The following PRKN variants were observed in gnomAD, a reference collection of about 807,000 sequenced individuals.
PRKN encodes the protein E3 ubiquitin-protein ligase parkin.
PRKN carries 56 observed loss-of-function variants against 59.5 expected under a neutral mutation model. The observed-to-expected ratio is 0.94, with a 90% confidence interval of 0.76 to 1.18. The LOEUF is 1.18. Ranked by LOEUF, PRKN falls within the 50% of genes most tolerant of loss-of-function variation. The probability of loss-of-function intolerance (pLI) is 0.00; values close to 1 mark genes in which losing one functional copy is unlikely to be tolerated. For synonymous variants in PRKN, 250 were observed against 222.1 expected (o/e 1.13, Z -1.12); for missense variants, 657 against 596.4 (o/e 1.10, Z -1.06).
intron 2 of PRKN, among the ~76,000 whole-genome samples, chr6:162,297,600 T>C (rs1781741204): frequency 1.3e-5 from 2 of 152,138 alleles, no homozygotes; most frequent in African/African-American, 2.4e-5. Flanking sequence ...TCAGAAAATA[T>C]ATTCATATAT....
intron 6 of PRKN, among the ~76,000 whole-genome samples, chr6:161,969,268 GTTTT>G (rs61461516): frequency 2.2e-5 from 3 of 133,984 alleles, no homozygotes; most frequent in African/African-American, 5.5e-5. Context: ...AGTCTTATTT[GTTTT>G]TTTTTTTTTT....
At chr6:161,660,949 C>T (rs1239717425) in intron 7 of PRKN, among the ~76,000 whole-genome samples, 3 of 152,122 alleles carry the variant, frequency 2.0e-5, no homozygotes, top group African/African-American at 2.4e-5. Context: ...GGCCGAGTCC[C>T]ACGGTGCCAT....
intron 4 of PRKN, among the ~76,000 whole-genome samples, chr6:162,122,848 G>C (rs1780972365): frequency 6.6e-6 from 1 of 152,048 alleles, no homozygotes; most frequent in Admixed American, 6.6e-5. Context: ...CACACCTGCA[G>C]AATCAACTGG....
Position 161,355,877 on chromosome 6 carries a change from A to C in PRKN, c.1285+4211T>G, listed in dbSNP as rs932083166. Among the ~76,000 whole-genome samples, 2 of 152,156 alleles carry C rather than the reference A, an allele frequency of 1.3e-5. No individual in the cohort carries two copies. Among genetic ancestry groups the C allele is most frequent in the African/African-American group, 4.8e-5 (2 of 41,436 alleles). On this transcript the variant is annotated intron_variant, in intron 11 of 11. Transcript: ENST00000366898. This position sits in a 1 kb window ranked among gnomAD's most constrained non-coding sequence, Gnocchi z 6.8. ...GATCTGGGAAGGAAGTGGTGCTATG[A>C]AATTATTATTAAACTGGTGGGTGGG...
At chr6:162,018,438 A>G (rs1471329074) in intron 5 of PRKN, among the ~76,000 whole-genome samples, 1 of 152,244 alleles carries the variant, frequency 6.6e-6, no homozygotes, top group Non-Finnish European at 1.5e-5. Context: ...AAATAAGAAA[A>G]ACTAATGATG....
chr6:161,683,183 G>T (rs879654600), intron 7 of PRKN, among the ~76,000 whole-genome samples: 1 of 152,150 alleles, frequency 6.6e-6, no homozygotes, highest in Non-Finnish European at 1.5e-5. Flanking sequence ...AGGGAAGGAA[G>T]AAGGACGGCT....
intron 1 of PRKN, among the ~76,000 whole-genome samples, chr6:162,706,165 A>G (rs1484038174): frequency 6.6e-6 from 1 of 151,794 alleles, no homozygotes; most frequent in East Asian, 1.9e-4. Flanking sequence ...ACAGCAGGAA[A>G]GCTGCCATTG....
intron 1 of PRKN, among the ~76,000 whole-genome samples, chr6:162,698,936 G>A (rs1209977010): frequency 1.3e-5 from 2 of 152,146 alleles, no homozygotes; most frequent in African/African-American, 4.8e-5. Context: ...CCCAACAATA[G>A]AGTTCACAGA....
At chr6:162,494,792 A>G (rs1445788623) in intron 1 of PRKN, among the ~76,000 whole-genome samples, 1 of 152,186 alleles carries the variant, frequency 6.6e-6, no homozygotes, top group Non-Finnish European at 1.5e-5. Context: ...TCATTTTTTC[A>G]TAGCTGTAGA....
At chr6:161,715,979 G>A (rs951816648) in intron 7 of PRKN, 24 of 569,006 alleles carry the variant, frequency 4.2e-5, no homozygotes, top group Non-Finnish European at 7.3e-5. Context: ...GAGAAGCGCT[G>A]GGGTGGGGCC....
At chr6:162,707,663 C>T (rs1778384993) in intron 1 of PRKN, among the ~76,000 whole-genome samples, 1 of 151,630 alleles carries the variant, frequency 6.6e-6, no homozygotes, top group South Asian at 2.1e-4. Context: ...CAACCTCCAA[C>T]TCCCGGGTTC....
intron 7 of PRKN, among the ~76,000 whole-genome samples, chr6:161,769,255 G>T (rs1789561425): frequency 6.6e-6 from 1 of 152,256 alleles, no homozygotes; most frequent in South Asian, 2.1e-4. Flanking sequence ...TCTAAAACTG[G>T]TGCATAGGTT....
Position 162,600,950 on chromosome 6 carries a change from A to G in PRKN, c.7+126712T>C, listed in dbSNP as rs549829298. On this transcript the variant is annotated intron_variant, in intron 1 of 11. Transcript: ENST00000366898. Reference sequence around the variant, plus strand: ...TACCCAGTATCAGACATTTCTTTATAGTAGCGTAAGAATGGATAACATAGC... The same window carrying G: ...TACCCAGTATCAGACATTTCTTTATGGTAGCGTAAGAATGGATAACATAGC... 5.9e-5 allele frequency among the ~76,000 whole-genome samples: 9 copies of G among 152,326 alleles called. No individual in the cohort carries two copies. The South Asian group carries it at 1.7e-3, about 28-fold the overall frequency.
intron 7 of PRKN, among the ~76,000 whole-genome samples, chr6:161,779,324 G>T (rs1455884704): frequency 2.6e-5 from 4 of 151,570 alleles, no homozygotes; most frequent in Non-Finnish European, 4.4e-5. Context: ...GGAGTAATAT[G>T]GGTTCCATCA....
Position 161,413,363 on chromosome 6 carries a change from A to G in PRKN, c.1084-26486T>C, listed in dbSNP as rs1787678567. 6.6e-6 allele frequency among the ~76,000 whole-genome samples: 1 copy of G among 152,168 alleles called. No individual in the cohort carries two copies. Among genetic ancestry groups the G allele is most frequent in the African/African-American group, 2.4e-5 (1 of 41,414 alleles). ...TGAGTCTCTTTCCATTAGAAGAAGA[A>G]TTCATATACACATACTGCAGCAAAG... On this transcript the variant is annotated intron_variant, in intron 9 of 11. Transcript: ENST00000366898. The surrounding 1 kb of genome is among the most constrained non-coding windows in gnomAD (Gnocchi z 4.4).
At chr6:162,634,938 C>G (rs1281144928) in intron 1 of PRKN, among the ~76,000 whole-genome samples, 2 of 152,172 alleles carry the variant, frequency 1.3e-5, no homozygotes, top group African/African-American at 2.4e-5. Context: ...CCAGTTTTCT[C>G]ACCTGTAATA....
chr6:162,587,192 A>G (rs2128213163), intron 1 of PRKN, among the ~76,000 whole-genome samples: 1 of 152,274 alleles, frequency 6.6e-6, no homozygotes, highest in Admixed American at 6.5e-5. Context: ...GCTGGAGTAC[A>G]GTGGCGCAAT....
At position 161,371,989 on chromosome 6, in the gene PRKN, G is replaced by C. The variant is rs1785462178; in HGVS notation, c.1168-11784C>G. Among the ~76,000 whole-genome samples, 1 of 152,212 alleles carries C rather than the reference G, an allele frequency of 6.6e-6. No homozygotes were observed. Among genetic ancestry groups the C allele is most frequent in the Admixed American group, 6.5e-5 (1 of 15,288 alleles). On this transcript the variant is annotated intron_variant, in intron 10 of 11. Transcript: ENST00000366898. This position sits in a 1 kb window ranked among gnomAD's most constrained non-coding sequence, Gnocchi z 5.5. ...CTAACAGTGGTGATTTCTGCTAGGAGTGGAATGTGTGCCAAGTGCCACAGA... is the reference window on the plus strand; with the variant it reads ...CTAACAGTGGTGATTTCTGCTAGGACTGGAATGTGTGCCAAGTGCCACAGA...
chr6:162,690,949 C>T (rs2128235037), intron 1 of PRKN, among the ~76,000 whole-genome samples: 1 of 152,170 alleles, frequency 6.6e-6, no homozygotes, highest in East Asian at 1.9e-4. Flanking sequence ...GAATGTTATG[C>T]CTTCATGCTA....
Sources: gnomAD v4.1 joint callset for allele counts (sites outside exome capture counted in the v4.1 genomes callset) on GRCh38, gnomAD v4.1.1 for gene constraint, Gnocchi (gnomAD v3.1) non-coding constraint, MANE v1.5 for transcripts, NCBI Gene and HGNC (gene_info 2026-07-23, HGNC 2026-07-21) for gene names.